Variants in STAG1 observed in about 807,000 individuals in gnomAD.
The protein encoded by STAG1 is STAG1 cohesin complex component.
In STAG1, 26 loss-of-function variants were observed where a neutral mutation model predicts 170.9. The ratio of observed to expected loss-of-function variants is 0.15; its 90% CI spans 0.11 to 0.21. The LOEUF (loss-of-function observed/expected upper bound fraction) is 0.21. Among genes scored for constraint, STAG1 ranks in the 10% least tolerant of loss-of-function variants. The probability of loss-of-function intolerance (pLI) is 1.00; values close to 1 mark genes in which losing one functional copy is unlikely to be tolerated. For synonymous variants in STAG1, 514 were observed against 497.7 expected (o/e 1.03, Z -0.44); for missense variants, 964 against 1,509.5 (o/e 0.64, Z 5.99).
intron 13 of STAG1, among the ~76,000 whole-genome samples, chr3:136,462,592 T>A (rs2089305436): frequency 6.6e-6 from 1 of 152,172 alleles, no homozygotes; most frequent in African/African-American, 2.4e-5. Context: ...TAAGTTTTAG[T>A]GTTTGATACC....
At chr3:136,398,220 T>G (rs913899340) in intron 22 of STAG1, among the ~76,000 whole-genome samples, 2 of 151,810 alleles carry the variant, frequency 1.3e-5, no homozygotes, top group Non-Finnish European at 2.9e-5. Context: ...CGGGTTCAAG[T>G]GATTCTCCTG....
chr3:136,422,498 A>G lies in STAG1; in HGVS notation c.1949T>C (p.Ile650Thr), dbSNP rs746578694. ...YSILCSEEYT[I>T]QNRVDIARSQ... ...TCGAGCTATGTCAACTCTGTTCTGG[A>G]TGGTATATTCTTCACTGCATAAGAT... Residue 650 changes from isoleucine to threonine, a missense_variant, in exon 19 of 34, where the codon ATC becomes ACC. By Grantham distance (89) the Ile-to-Thr change is moderately conservative. Coordinates refer to ENST00000383202, the MANE Select transcript of STAG1 (RefSeq NM_005862.3). 1 of 1,614,048 alleles carries G rather than the reference A, an allele frequency of 6.2e-7. No homozygotes were observed. The highest frequency in any genetic ancestry group is 8.5e-7 in the Non-Finnish European group (1 of 1,179,990).
At chr3:136,713,582 CAA>C (rs139182292) in intron 1 of STAG1, among the ~76,000 whole-genome samples, 10 of 119,890 alleles carry the variant, frequency 8.3e-5, no homozygotes, top group Admixed American at 1.8e-4. Context: ...AACTCCACCT[CAA>C]AAAAAAAAAA....
chr3:136,532,462 T>C (rs888043387), intron 6 of STAG1, among the ~76,000 whole-genome samples: 4 of 152,182 alleles, frequency 2.6e-5, no homozygotes, highest in Admixed American at 6.6e-5. Context: ...TGTTATTTCT[T>C]CTATCTTTGG....
chr3:136,655,379 G>A (rs1274560068), intron 1 of STAG1, among the ~76,000 whole-genome samples: 1 of 152,214 alleles, frequency 6.6e-6, no homozygotes, highest in Admixed American at 6.5e-5. Flanking sequence ...CACGTGAAAA[G>A]ATGCTCAATA....
rs1369144233 is a variant in STAG1, at chr3:136,486,786, T to C, written c.903-9374A>G. Among the ~76,000 whole-genome samples, 39 of 152,154 alleles carry C rather than the reference T, an allele frequency of 2.6e-4. 1 individual carries two copies. Among genetic ancestry groups the C allele is most frequent in the Admixed American group, 2.5e-3 (38 of 15,282 alleles). On this transcript the variant is annotated intron_variant, in intron 9 of 33. Transcript: ENST00000383202. ...CTTGGAATTACTACTAATACTGAGA[T>C]TATGAATGGCTGTTTGCAACAGGCT...
chr3:136,441,707 T>C (rs894711695), intron 15 of STAG1, among the ~76,000 whole-genome samples: 2 of 152,068 alleles, frequency 1.3e-5, no homozygotes, highest in African/African-American at 4.8e-5. Context: ...GCTCTTGTAA[T>C]ATTCCAAAAG....
intron 1 of STAG1, among the ~76,000 whole-genome samples, chr3:136,736,129 T>A (rs1412173929): frequency 6.6e-6 from 1 of 152,200 alleles, no homozygotes; most frequent in African/African-American, 2.4e-5. Context: ...AGCAACATCA[T>A]TTTAAAAAAT....
intron 21 of STAG1, among the ~76,000 whole-genome samples, chr3:136,417,128 G>C (rs1033841165): frequency 6.6e-6 from 1 of 152,040 alleles, no homozygotes; most frequent in Non-Finnish European, 1.5e-5. Context: ...AATTATAGGC[G>C]TGAACCACTG....
chr3:136,671,501 C>T (rs1050221298), intron 1 of STAG1, among the ~76,000 whole-genome samples: 3 of 151,954 alleles, frequency 2.0e-5, no homozygotes, highest in East Asian at 1.9e-4. Context: ...CTAGATAATG[C>T]CTTTGATAGT....
chr3:136,488,513 C>A (rs925115812), intron 9 of STAG1, among the ~76,000 whole-genome samples: 12 of 152,190 alleles, frequency 7.9e-5, no homozygotes, highest in African/African-American at 2.9e-4. Context: ...TTATAAAAGA[C>A]CCTTAGAAAT....
intron 5 of STAG1, among the ~76,000 whole-genome samples, chr3:136,549,590 C>T (rs1936302504): frequency 6.6e-6 from 1 of 152,010 alleles, no homozygotes; most frequent in African/African-American, 2.4e-5. Flanking sequence ...CATGAGCCAC[C>T]ATGCCCAGCC....
At chr3:136,630,305 C>T (rs1302027728) in intron 2 of STAG1, among the ~76,000 whole-genome samples, 4 of 151,704 alleles carry the variant, frequency 2.6e-5, no homozygotes, top group Non-Finnish European at 5.9e-5. Context: ...TACATTTCTT[C>T]TGGTAGCCGG....
intron 6 of STAG1, among the ~76,000 whole-genome samples, chr3:136,527,255 A>C (rs1070229): frequency 0.99 from 151,284 of 152,308 alleles, 75,137 homozygotes; most frequent in Middle Eastern, 1. Context: ...TTGGTCTTTC[A>C]CCATAGTCCC....
chr3:136,547,992 C>T (rs1351209298), intron 5 of STAG1, among the ~76,000 whole-genome samples: 1 of 152,210 alleles, frequency 6.6e-6, no homozygotes, highest in East Asian at 1.9e-4. Flanking sequence ...CCTTTCCCTA[C>T]TGTATATTCT....
intron 1 of STAG1, among the ~76,000 whole-genome samples, chr3:136,724,129 A>G (rs1054384533): frequency 2.0e-5 from 3 of 151,372 alleles, no homozygotes; most frequent in African/African-American, 7.4e-5. Flanking sequence ...AGAACGGGCC[A>G]TGATGACAAT....
intron 1 of STAG1, among the ~76,000 whole-genome samples, chr3:136,657,595 G>A (rs1268696547): frequency 6.6e-6 from 1 of 152,204 alleles, no homozygotes; most frequent in South Asian, 2.1e-4. Context: ...GCTAAAGCCA[G>A]TGGATTGCTT....
intron 12 of STAG1, among the ~76,000 whole-genome samples, chr3:136,467,426 T>C (rs532215959): frequency 3.3e-5 from 5 of 152,254 alleles, no homozygotes; most frequent in Admixed American, 2.6e-4. Flanking sequence ...CATTACATAA[T>C]GGCAAAGGGA....
chr3:136,410,368 C>T (rs1464441313), intron 21 of STAG1, among the ~76,000 whole-genome samples: 3 of 152,096 alleles, frequency 2.0e-5, no homozygotes, highest in African/African-American at 7.2e-5. Flanking sequence ...CACACCACTA[C>T]ACTCCAGCCT....
Sources: gnomAD v4.1 joint callset for allele counts (sites outside exome capture counted in the v4.1 genomes callset) on GRCh38, gnomAD v4.1.1 for gene constraint, MANE v1.5 for transcripts, NCBI Gene and HGNC (gene_info 2026-07-23, HGNC 2026-07-21) for gene names.